The following ADCY2 variants were observed in gnomAD, a reference collection of about 807,000 sequenced individuals.
ADCY2 encodes the protein adenylate cyclase 2.
A neutral mutation model predicts 125.2 loss-of-function variants in ADCY2; 31 were observed. The ratio of observed to expected loss-of-function variants is 0.25; its 90% CI spans 0.19 to 0.33. ADCY2 has a LOEUF of 0.33. Among genes scored for constraint, ADCY2 ranks in the 10% least tolerant of loss-of-function variants. The probability of loss-of-function intolerance (pLI) is 1.00; values close to 1 mark genes in which losing one functional copy is unlikely to be tolerated. For synonymous variants in ADCY2, 512 were observed against 548.4 expected, an observed-to-expected ratio of 0.93 and a Z score of 0.93; for missense variants, 904 against 1,418.2, an observed-to-expected ratio of 0.64 and a Z score of 5.82.
intron 2 of ADCY2, among the ~76,000 whole-genome samples, chr5:7,433,146 C>A: frequency 6.6e-6 from 1 of 152,184 alleles, no homozygotes; most frequent in East Asian, 1.9e-4. Flanking sequence ...ACCACTGCTT[C>A]TTCCTTCTTT....
chr5:7,716,176 CTAAG>C (rs1157428767), intron 11 of ADCY2, among the ~76,000 whole-genome samples: 2 of 152,256 alleles, frequency 1.3e-5, no homozygotes, highest in East Asian at 1.9e-4. Flanking sequence ...GCTTCTGAAA[CTAAG>C]TGAGATGGTT....
chr5:7,569,525 C>T (rs1159570710), intron 3 of ADCY2, among the ~76,000 whole-genome samples: 1 of 152,160 alleles, frequency 6.6e-6, no homozygotes, highest in Non-Finnish European at 1.5e-5. Flanking sequence ...CGACACACTC[C>T]ACAGCTGCTG....
At chr5:7,710,687 AATT>A (rs1364968962) in intron 10 of ADCY2, among the ~76,000 whole-genome samples, 1 of 152,154 alleles carries the variant, frequency 6.6e-6, no homozygotes, top group Non-Finnish European at 1.5e-5. Context: ...CACCACGGTA[AATT>A]TTATATTGCA....
At chr5:7,558,030 GTTTTGTTTTGTTTTGTT>G (rs1735584208) in intron 3 of ADCY2, among the ~76,000 whole-genome samples, 1 of 150,436 alleles carries the variant, frequency 6.6e-6, no homozygotes, top group South Asian at 2.1e-4. Flanking sequence ...AGCATCTGTT[GTTTTGTTTTGTTTTGTT>G]TTTGGTTTTA....
At chr5:7,487,653 A>C (rs1207006889) in intron 2 of ADCY2, among the ~76,000 whole-genome samples, 1 of 152,170 alleles carries the variant, frequency 6.6e-6, no homozygotes, top group Admixed American at 6.5e-5. Context: ...GTGGCAAAGC[A>C]CTTGGTTCCC....
chr5:7,799,491 G>A (rs1744527254), intron 20 of ADCY2: 1 of 151,542 alleles, frequency 6.6e-6, no homozygotes, highest in African/African-American at 2.5e-5. Context: ...GCTCACCCTG[G>A]GCATTCCCTC....
intron 2 of ADCY2, among the ~76,000 whole-genome samples, chr5:7,511,305 G>A (rs370118590): frequency 1.4e-4 from 21 of 152,220 alleles, no homozygotes; most frequent in African/African-American, 4.8e-4. Flanking sequence ...GCCAGGGGCG[G>A]TGCCTCACGC....
intron 11 of ADCY2, among the ~76,000 whole-genome samples, chr5:7,714,175 GAGC>G (rs1220537937): frequency 1.3e-5 from 2 of 152,226 alleles, no homozygotes; most frequent in African/African-American, 4.8e-5. Flanking sequence ...GCATATTAGA[GAGC>G]CCATAAGACA....
chr5:7,448,650 G>T (rs1455099501), intron 2 of ADCY2, among the ~76,000 whole-genome samples: 1 of 151,976 alleles, frequency 6.6e-6, no homozygotes, highest in African/African-American at 2.4e-5. Context: ...CCCTCCAACA[G>T]GTCCTCGTGT....
chr5:7,705,987 C>T (rs1032485976), intron 7 of ADCY2, among the ~76,000 whole-genome samples: 1 of 152,162 alleles, frequency 6.6e-6, no homozygotes, highest in African/African-American at 2.4e-5. Context: ...CAGTCGGCAT[C>T]GTTGCTTCCC....
At chr5:7,565,130 G>A (rs768339952) in intron 3 of ADCY2, among the ~76,000 whole-genome samples, 22 of 152,214 alleles carry the variant, frequency 1.4e-4, no homozygotes, top group Non-Finnish European at 2.8e-4. Flanking sequence ...CCCTCATGCC[G>A]GTGGCCCAGC....
At chr5:7,562,942 C>A (rs1365416904) in intron 3 of ADCY2, among the ~76,000 whole-genome samples, 4 of 152,164 alleles carry the variant, frequency 2.6e-5, no homozygotes, top group Non-Finnish European at 4.4e-5. Flanking sequence ...TTATTAACTA[C>A]ATTTCCTTTA....
intron 2 of ADCY2, among the ~76,000 whole-genome samples, chr5:7,458,836 G>A (rs1741805122): frequency 1.3e-5 from 2 of 152,118 alleles, no homozygotes; most frequent in African/African-American, 2.4e-5. Flanking sequence ...ACTTTAGCCT[G>A]AAAAAAAGTG....
chr5:7,520,879 A>G lies in ADCY2; in HGVS notation c.550A>G (p.Lys184Glu). The G allele has an allele frequency of 6.2e-7, 1 of 1,614,102 alleles. No homozygotes were observed. Among genetic ancestry groups the G allele is most frequent in the Non-Finnish European group, 8.5e-7 (1 of 1,180,024 alleles). The stretch of plus-strand genomic sequence containing the variant: ...CTGCCTGTCTGCAACACCGGGAGGC[A>G]AGGAGCACCTGGTCTGGCAGGTGGG... ...SVCLSATPGG[K>E]EHLVWQILAN... The change falls in exon 3 of 25, where the codon AAG becomes GAG. Residue 184 changes from lysine (K) to glutamate (E), a missense_variant. This residue lies in a region of ADCY2 where 121 missense variants were observed against 161.5 expected (regional missense o/e 0.75). Coordinates refer to ENST00000338316, the MANE Select transcript of ADCY2 (RefSeq NM_020546.3).
At chr5:7,809,388 T>C (rs1178673910) in intron 22 of ADCY2, among the ~76,000 whole-genome samples, 2 of 152,382 alleles carry the variant, frequency 1.3e-5, no homozygotes, top group East Asian at 1.9e-4. Flanking sequence ...GAAAATAACA[T>C]ACCTGATAAA....
At chr5:7,653,561 C>T (rs930515900) in intron 4 of ADCY2, among the ~76,000 whole-genome samples, 12 of 151,164 alleles carry the variant, frequency 7.9e-5, no homozygotes, top group African/African-American at 2.4e-4. Flanking sequence ...TGAGTGAGAT[C>T]GTGCCACTGC....
chr5:7,693,023 T>C lies in ADCY2; in HGVS notation c.869+2184T>C, dbSNP rs1376860304. On this transcript the variant is annotated intron_variant, in intron 5 of 24. Transcript: ENST00000338316. The stretch of plus-strand genomic sequence containing the variant: ...CTCCTCTTCCTCTACACACTTGTTT[T>C]GATTTGCACAAACCTTGATTTCTGA... Among the ~76,000 whole-genome samples the C allele has an allele frequency of 7.9e-5, 12 of 152,304 alleles. No homozygotes were observed. In the East Asian group the frequency reaches 2.1e-3, roughly 27 times the overall value.
At chr5:7,788,316 A>G (rs535769396) in intron 19 of ADCY2, among the ~76,000 whole-genome samples, 23 of 152,158 alleles carry the variant, frequency 1.5e-4, no homozygotes, top group African/African-American at 5.5e-4. Context: ...AGTAACTGGG[A>G]TTACAGGCGC....
chr5:7,654,563 C>T (rs1315715439), intron 4 of ADCY2, among the ~76,000 whole-genome samples: 5 of 152,054 alleles, frequency 3.3e-5, no homozygotes, highest in African/African-American at 9.7e-5. Context: ...GTGACATAGG[C>T]GGGGATGCTG....
Sources: gnomAD v4.1 joint callset for allele counts (sites outside exome capture counted in the v4.1 genomes callset) on GRCh38, gnomAD v4.1.1 for gene constraint, gnomAD v4.1.1 regional missense constraint, MANE v1.5 for transcripts, NCBI Gene and HGNC (gene_info 2026-07-23, HGNC 2026-07-21) for gene names.